VSIG1: variants seen among roughly 807,000 people sequenced by gnomAD.
VSIG1 encodes V-set and immunoglobulin domain containing 1.
In VSIG1, 11 loss-of-function variants were observed where a neutral mutation model predicts 20.1. The ratio of observed to expected loss-of-function variants is 0.55; its 90% CI spans 0.34 to 0.91. The LOEUF (loss-of-function observed/expected upper bound fraction) is 0.91. Ranked by LOEUF, VSIG1 falls within the 40% of genes least tolerant of loss-of-function variation. VSIG1 has a pLI of 0.02. For missense variants in VSIG1, 283 were observed against 298.8 expected (o/e 0.95, Z 0.39); for synonymous variants, 126 against 116.7 (o/e 1.08, Z -0.52).
chrX:108,059,560 C>A (rs1012970137), intron 2 of VSIG1, among the ~76,000 whole-genome samples: 1 of 111,871 alleles, frequency 8.9e-6, no homozygotes, highest in Non-Finnish European at 1.9e-5. Context: ...TAAGTTTTAT[C>A]CCTTGTAAAC....
chrX:108,043,342 G>T (rs752825860), upstream of VSIG1, among the ~76,000 whole-genome samples: 1 of 111,758 alleles, frequency 8.9e-6, no homozygotes, highest in South Asian at 3.8e-4. Flanking sequence ...TGCAGTCAAC[G>T]AGTTTACCAT....
intron 5 of VSIG1, among the ~76,000 whole-genome samples, chrX:108,075,351 G>T (rs1393440977): frequency 8.9e-6 from 1 of 112,300 alleles, no homozygotes; most frequent in Admixed American, 9.4e-5. Flanking sequence ...GCAGGGAACT[G>T]CTGTTTTTGT....
At chrX:108,068,607 G>T (rs952798802) in intron 3 of VSIG1, among the ~76,000 whole-genome samples, 4 of 111,178 alleles carry the variant, frequency 3.6e-5, no homozygotes, top group African/African-American at 1.3e-4. Flanking sequence ...AAACAACCAG[G>T]TCTTATGAGC....
chrX:108,023,467 T>G, the VSIG1 span, among the ~76,000 whole-genome samples: 1 of 112,219 alleles, frequency 8.9e-6, no homozygotes, highest in Non-Finnish European at 1.9e-5. Flanking sequence ...ATAGAATGAA[T>G]TGAAACATGT....
At chrX:108,071,334 T>G (rs946842076) in intron 3 of VSIG1, among the ~76,000 whole-genome samples, 2 of 111,530 alleles carry the variant, frequency 1.8e-5, no homozygotes, top group Non-Finnish European at 3.8e-5. Context: ...GTATATAAGA[T>G]AGATATATAA....
At chrX:108,037,739 C>T in the VSIG1 span, among the ~76,000 whole-genome samples, 1 of 112,573 alleles carries the variant, frequency 8.9e-6, no homozygotes, top group African/African-American at 3.2e-5. Flanking sequence ...TTATTCAGTG[C>T]CTACTGTGTG....
chrX:108,025,925 C>T, the VSIG1 span, among the ~76,000 whole-genome samples: 3 of 111,990 alleles, frequency 2.7e-5, no homozygotes, highest in Non-Finnish European at 5.6e-5. Flanking sequence ...ACAAAGTTCA[C>T]TTGTAAATGT....
upstream of VSIG1, among the ~76,000 whole-genome samples, chrX:108,042,304 C>A (rs755094699): frequency 2.7e-5 from 3 of 111,399 alleles, no homozygotes; most frequent in Admixed American, 2.9e-4. Context: ...TAAATCATAC[C>A]CTCTGCTGCA....
At chrX:108,034,739 G>A in the VSIG1 span, among the ~76,000 whole-genome samples, 6 of 111,610 alleles carry the variant, frequency 5.4e-5, no homozygotes, top group East Asian at 8.4e-4. Flanking sequence ...ACCTTATTTC[G>A]TGGATGAGGA....
At chrX:108,033,458 A>T in the VSIG1 span, among the ~76,000 whole-genome samples, 1 of 112,172 alleles carries the variant, frequency 8.9e-6, no homozygotes, top group Non-Finnish European at 1.9e-5. Context: ...GTGTAAGCAC[A>T]GCTGGGCTGC....
At chrX:108,024,165 T>C in the VSIG1 span, among the ~76,000 whole-genome samples, 2 of 112,092 alleles carry the variant, frequency 1.8e-5, no homozygotes, top group Admixed American at 9.4e-5. Flanking sequence ...ATTTTAGTCA[T>C]TTTTTATAAT....
Position 108,053,252 on chromosome X carries a change from T to C in VSIG1, c.50-4786T>C, listed in dbSNP as rs139192331. Among the ~76,000 whole-genome samples, 19 of 112,465 alleles carry C rather than the reference T, an allele frequency of 1.7e-4. No homozygotes were observed. In the East Asian group the frequency reaches 5.3e-3, roughly 31 times the overall value. Reference sequence around the variant, plus strand: ...GTAAGTACATAAAGTAGACTATCTTTTAACTCATGAGTTCTATAAATCATA... The same window carrying C: ...GTAAGTACATAAAGTAGACTATCTTCTAACTCATGAGTTCTATAAATCATA... On this transcript the variant is annotated intron_variant, in intron 1 of 6. Coordinates refer to ENST00000217957, the MANE Select transcript of VSIG1 (RefSeq NM_182607.5).
At chrX:108,020,355 T>A in the VSIG1 span, among the ~76,000 whole-genome samples, 4 of 112,249 alleles carry the variant, frequency 3.6e-5, no homozygotes, top group Admixed American at 9.4e-5. Context: ...TATGATTTTT[T>A]AAAAAAATCA....
chrX:108,073,223 C>A (rs200108792), intron 4 of VSIG1, 27 bp from the exon 5 acceptor site: 1 of 1,207,862 alleles, frequency 8.3e-7, no homozygotes. Context: ...GAAGAGATCT[C>A]AAAAGTCTAT....
chrX:108,037,725 ATAGT>A, the VSIG1 span, among the ~76,000 whole-genome samples: 1 of 112,829 alleles, frequency 8.9e-6, no homozygotes, highest in Admixed American at 9.3e-5. Flanking sequence ...AATTTAACAA[ATAGT>A]TATTCAGTGC....
intron 2 of VSIG1, among the ~76,000 whole-genome samples, chrX:108,059,770 C>T (rs191425927): frequency 4.1e-4 from 46 of 112,438 alleles, no homozygotes; most frequent in Admixed American, 7.5e-4. Context: ...ATTCAATTTC[C>T]GGACTAGTCT....
intron 1 of VSIG1, among the ~76,000 whole-genome samples, chrX:108,049,061 T>C (rs1315606810): frequency 8.9e-6 from 1 of 112,232 alleles, no homozygotes; most frequent in East Asian, 2.8e-4. Flanking sequence ...TTTAATTGGT[T>C]ATGGTGCTAA....
At chrX:108,044,957 A>G, upstream of VSIG1, 1 of 319,046 alleles carries the variant, frequency 3.1e-6, no homozygotes. Flanking sequence ...AGAAACACAA[A>G]TCTGTACTGA....
intron 2 of VSIG1, among the ~76,000 whole-genome samples, chrX:108,063,505 G>T (rs1262857475): frequency 3.6e-5 from 4 of 111,236 alleles, no homozygotes; most frequent in African/African-American, 1.3e-4. Flanking sequence ...CCAGTATTTT[G>T]TTTGTTTGTT....
Sources: allele counts gnomAD v4.1 joint callset (sites outside exome capture counted in the v4.1 genomes callset), GRCh38; gene constraint gnomAD v4.1.1; transcripts MANE v1.5; gene names NCBI Gene and HGNC (gene_info 2026-07-23, HGNC 2026-07-21).